DCP2: variants seen among roughly 807,000 people sequenced by gnomAD.
DCP2 encodes decapping mRNA 2.
In DCP2, 30 loss-of-function variants were observed where a neutral mutation model predicts 56.1. The observed-to-expected ratio is 0.53, with a 90% CI of 0.40 to 0.73. The LOEUF (loss-of-function observed/expected upper bound fraction) is 0.73, where lower values mean the gene tolerates loss of function less well. DCP2 is among the 30% of genes least tolerant of loss of function. The pLI, the probability that DCP2 is intolerant of heterozygous loss-of-function variation, is 0.00. For synonymous variants in DCP2, 197 were observed against 163.3 expected (o/e 1.21, Z -1.57); for missense variants, 533 against 502.7 (o/e 1.06, Z -0.58).
At chr5:112,996,222 G>A (rs1306051334) in intron 4 of DCP2, among the ~76,000 whole-genome samples, 1 of 152,176 alleles carries the variant, frequency 6.6e-6, no homozygotes, top group Admixed American at 6.6e-5. Context: ...TGGTGCTGCG[G>A]TATAAAAGAA....
chr5:113,012,062 G>T lies in DCP2; in HGVS notation c.1099+1255G>T, dbSNP rs7702024. On this transcript the variant is annotated intron_variant, in intron 10 of 10. Transcript: ENST00000389063. ...CACCTTGGGTGGTGGGGACATGTTA[G>T]GTGGATAGTGAAATCTAGTTAACAT... 8.6e-3 allele frequency among the ~76,000 whole-genome samples: 1,309 copies of T among 152,258 alleles called. 7 individuals carry two copies. The highest frequency in any genetic ancestry group is 0.024 in the Middle Eastern group (7 of 294).
Position 113,019,493 on chromosome 5 carries a change from A to C in DCP2, c.*6009A>C, listed in dbSNP as rs1019740417. 6.6e-6 allele frequency: 1 copy of C among 152,222 alleles called. No individual in the cohort carries two copies. The highest frequency in any genetic ancestry group is 1.5e-5 in the Non-Finnish European group (1 of 68,044). 9.4% of individuals were successfully genotyped at this position (152,222 alleles called of 1,614,324 possible). ...TAGGTTTGTGTTAGGATGTTGCACA[A>C]GTAATCATTTAATGTTAAATGCAAG... On this transcript the variant is annotated 3_prime_UTR_variant, in exon 11 of 11. Transcript: ENST00000389063.
intron 7 of DCP2, among the ~76,000 whole-genome samples, chr5:113,003,585 G>T (rs1021546677): frequency 6.6e-6 from 1 of 152,072 alleles, no homozygotes; most frequent in Non-Finnish European, 1.5e-5. Flanking sequence ...CAAAAAGCAG[G>T]AAAATGTACA....
At chr5:112,996,255 C>G (rs1256154585) in intron 4 of DCP2, among the ~76,000 whole-genome samples, 1 of 152,188 alleles carries the variant, frequency 6.6e-6, no homozygotes, top group South Asian at 2.1e-4. Context: ...GACCGAGTGA[C>G]ATTACCAGTT....
At chr5:112,977,671 C>A (rs1429337400) in intron 1 of DCP2, among the ~76,000 whole-genome samples, 1 of 152,172 alleles carries the variant, frequency 6.6e-6, no homozygotes, top group Non-Finnish European at 1.5e-5. Context: ...GTGTATACTT[C>A]AGATGAGAAA....
At chr5:113,011,235 G>A (rs536624282) in intron 10 of DCP2, among the ~76,000 whole-genome samples, 1 of 152,262 alleles carries the variant, frequency 6.6e-6, no homozygotes, top group South Asian at 2.1e-4. Flanking sequence ...TAGTAAATTT[G>A]TATGCCTTTT....
intron 1 of DCP2, among the ~76,000 whole-genome samples, chr5:112,985,207 A>G (rs2150170404): frequency 6.6e-6 from 1 of 152,312 alleles, no homozygotes; most frequent in African/African-American, 2.4e-5. Flanking sequence ...TCATTATCCT[A>G]ATTACATATG....
chr5:112,982,882 T>A (rs1351216805), intron 1 of DCP2, among the ~76,000 whole-genome samples: 1 of 152,222 alleles, frequency 6.6e-6, no homozygotes, highest in Non-Finnish European at 1.5e-5. Context: ...TTTGGATGCC[T>A]TTTTATATTA....
At chr5:113,012,701 C>G (rs898376787) in intron 10 of DCP2, among the ~76,000 whole-genome samples, 1 of 152,028 alleles carries the variant, frequency 6.6e-6, no homozygotes, top group Admixed American at 6.6e-5. Context: ...TGGAGTGCAA[C>G]AGCACGATCT....
chr5:112,987,620 C>CT (rs562254738), intron 2 of DCP2, among the ~76,000 whole-genome samples: 12,940 of 69,270 alleles, frequency 0.19, 1,335 homozygotes, highest in Non-Finnish European at 0.22. Flanking sequence ...ACCTAGGTGC[C>CT]TTTTTTTTTT....
Position 113,019,915 on chromosome 5 carries a change from G to C in DCP2, c.*6431G>C, listed in dbSNP as rs1052685235. The C allele has an allele frequency of 1.3e-5, 2 of 152,218 alleles. No individual in the cohort carries two copies. Among genetic ancestry groups the C allele is most frequent in the African/African-American group, 4.8e-5 (2 of 41,464 alleles). The allele number at this position is 152,218 out of a possible 1,614,324, so 9.4% of individuals were successfully genotyped here. A position where few individuals can be genotyped will look rare whatever the true frequency, so the allele number is the denominator to read the frequency against. ...AGTTCTCTTAATAAGATTGCCTTTT[G>C]TCTAACCGAAATAGGGCATACAGAT... On this transcript the variant is annotated 3_prime_UTR_variant, in exon 11 of 11. Coordinates refer to ENST00000389063, the MANE Select transcript of DCP2 (RefSeq NM_152624.6).
Position 113,013,534 on chromosome 5 carries a change from TGA to T in DCP2, c.*52_*53del. On this transcript the variant is annotated 3_prime_UTR_variant, in exon 11 of 11. Transcript: ENST00000389063. ...CCCAGGATCAGAGACCTGTTGAATT[TGA>T]GTGGGTGTCTCCTCAAGCCTTACCT... 6.3e-7 allele frequency: 1 copy of T among 1,599,782 alleles called. No individual in the cohort carries two copies. The highest frequency in any genetic ancestry group is 1.3e-5 in the African/African-American group (1 of 74,570).
intron 5 of DCP2, 24 bp from the exon 6 acceptor site, chr5:113,001,333 G>A (rs1749168287): frequency 6.3e-7 from 1 of 1,598,572 alleles, no homozygotes; most frequent in Admixed American, 1.8e-5. Flanking sequence ...TTAACTAAAT[G>A]AATTATTTTC....
Position 113,001,131 on chromosome 5 carries a change from T to A in DCP2, c.480T>A (p.Asp160Glu). 1 of 1,613,746 alleles carries A rather than the reference T, an allele frequency of 6.2e-7. No individual in the cohort carries two copies. The change falls in exon 5 of 11, where the codon GAT becomes GAA. Residue 160 changes from aspartate to glutamate, a missense_variant. This residue lies in a region of DCP2 where 392 missense variants were observed against 346.6 expected (regional missense o/e 1.13). Transcript: ENST00000389063. Reference protein sequence around the residue: ...GFDIKDYICKDDYIELRINDQ... With the variant: ...GFDIKDYICKEDYIELRINDQ... ...ATATCAAAGACTATATTTGTAAGGATGATTACATTGAACTTCGAATCAATG... is the reference window on the plus strand; with the variant it reads ...ATATCAAAGACTATATTTGTAAGGAAGATTACATTGAACTTCGAATCAATG...
chr5:113,016,473 G>T lies in DCP2; in HGVS notation c.*2989G>T, dbSNP rs1749891843. 1 of 152,186 alleles carries T rather than the reference G, an allele frequency of 6.6e-6. No homozygotes were observed. The highest frequency in any genetic ancestry group is 6.5e-5 in the Admixed American group (1 of 15,286). The allele number at this position is 152,186 out of a possible 1,614,324, so 9.4% of individuals were successfully genotyped here. On this transcript the variant is annotated 3_prime_UTR_variant, in exon 11 of 11. Transcript: ENST00000389063. ...TTATTTTTCTATTAAATATCAATTA[G>T]TAAGTATAGCTAATGAAGACATATA...
chr5:113,008,934 C>T (rs865828647), intron 9 of DCP2, among the ~76,000 whole-genome samples: 1 of 151,894 alleles, frequency 6.6e-6, no homozygotes, highest in Non-Finnish European at 1.5e-5. Context: ...ACCTCCACTT[C>T]CCGGGTTCAA....
chr5:113,000,940 A>G, intron 4 of DCP2, 144 bp from the exon 5 acceptor site: 2 of 853,308 alleles, frequency 2.3e-6, no homozygotes, highest in South Asian at 1.9e-5. Context: ...TCTCATATGC[A>G]TTTCTGTACC....
intron 2 of DCP2, 138 bp from the exon 3 acceptor site, chr5:112,991,983 C>T: frequency 7.7e-7 from 1 of 1,303,474 alleles, no homozygotes; most frequent in Non-Finnish European, 1.0e-6. Flanking sequence ...GGTGCCTGGC[C>T]AAAATGCTAC....
chr5:112,988,398 A>G (rs1391833719), intron 2 of DCP2, among the ~76,000 whole-genome samples: 2 of 148,464 alleles, frequency 1.3e-5, no homozygotes, highest in Admixed American at 6.8e-5. Flanking sequence ...AGGCTGAGGC[A>G]GGAGAATGGT....
Sources: gnomAD v4.1 joint callset for allele counts (sites outside exome capture counted in the v4.1 genomes callset) on GRCh38, gnomAD v4.1.1 for gene constraint, gnomAD v4.1.1 regional missense constraint, MANE v1.5 for transcripts, NCBI Gene and HGNC (gene_info 2026-07-23, HGNC 2026-07-21) for gene names.